PSD3: variants seen among roughly 807,000 people sequenced by gnomAD.
The protein encoded by PSD3 is PH and SEC7 domain-containing protein 3.
PSD3 carries 49 observed loss-of-function variants against 105.5 expected under a neutral mutation model. The observed-to-expected ratio is 0.46, with a 90% CI of 0.37 to 0.59. The LOEUF (loss-of-function observed/expected upper bound fraction) is 0.59. Among genes scored for constraint, PSD3 ranks in the 20% least tolerant of loss-of-function variants. The pLI is 0.00. For missense variants in PSD3, 1,561 were observed against 1,263.8 expected, an observed-to-expected ratio of 1.24 and a Z score of -3.57; for synonymous variants, 557 against 457.8, an observed-to-expected ratio of 1.22 and a Z score of -2.77.
chr8:18,539,992 G>A (rs1054261542), intron 15 of PSD3, among the ~76,000 whole-genome samples: 1 of 152,050 alleles, frequency 6.6e-6, no homozygotes, highest in African/African-American at 2.4e-5. Context: ...CTCTTCTTTC[G>A]TACTAATGGA....
chr8:18,732,631 C>T (rs1163512045), intron 9 of PSD3, among the ~76,000 whole-genome samples: 1 of 152,184 alleles, frequency 6.6e-6, no homozygotes, highest in Non-Finnish European at 1.5e-5. Flanking sequence ...AGCTTCCTTC[C>T]TTACATGGTG....
intron 9 of PSD3, among the ~76,000 whole-genome samples, chr8:18,750,199 C>G (rs2129437530): frequency 6.6e-6 from 1 of 152,304 alleles, no homozygotes; most frequent in East Asian, 1.9e-4. Flanking sequence ...TTGGTGGGTT[C>G]TTGGTCTCAC....
chr8:18,916,889 A>G (rs920370551), intron 2 of PSD3, among the ~76,000 whole-genome samples: 2 of 152,056 alleles, frequency 1.3e-5, no homozygotes, highest in Non-Finnish European at 2.9e-5. Context: ...AAGGAAATGA[A>G]AAAAAAGGAA....
intron 12 of PSD3, among the ~76,000 whole-genome samples, chr8:18,593,103 A>T (rs1803735958): frequency 6.6e-6 from 1 of 152,228 alleles, no homozygotes; most frequent in South Asian, 2.1e-4. Context: ...CAATGGCAAT[A>T]AAAGCCAAAA....
Position 18,559,449 on chromosome 8 carries a change from C to T in PSD3, c.2785-3097G>A, listed in dbSNP as rs117815005. On this transcript the variant is annotated intron_variant, in intron 14 of 15. Transcript: ENST00000327040. Reference sequence around the variant, plus strand: ...ACCCATTTTTCTATTGGGTTGTTTGCCTTTTAAAAAATAGATTTGTATCAG... The same window carrying T: ...ACCCATTTTTCTATTGGGTTGTTTGTCTTTTAAAAAATAGATTTGTATCAG... 2.3e-3 allele frequency among the ~76,000 whole-genome samples: 349 copies of T among 151,888 alleles called. 6 individuals are homozygous for T. Among genetic ancestry groups the T allele is most frequent in the East Asian group, 4.4e-3 (23 of 5,184 alleles).
chr8:18,931,285 T>C lies in PSD3; in HGVS notation c.130+4749A>G, dbSNP rs139504958. Among the ~76,000 whole-genome samples, 449 of 152,252 alleles carry C rather than the reference T, an allele frequency of 2.9e-3. 1 individual carries two copies. Among genetic ancestry groups the C allele is most frequent in the Middle Eastern group, 0.01 (3 of 294 alleles). Reference sequence around the variant, plus strand: ...AATTTTGCTGAAAAGAACCACATTATACTGCAAGGAGTCATGTATCTACAT... The same window carrying C: ...AATTTTGCTGAAAAGAACCACATTACACTGCAAGGAGTCATGTATCTACAT... On this transcript the variant is annotated intron_variant, in intron 2 of 15. Coordinates refer to ENST00000327040, the MANE Select transcript of PSD3 (RefSeq NM_015310.4).
chr8:18,887,009 T>C (rs1364121213), intron 2 of PSD3: 1 of 152,148 alleles, frequency 6.6e-6, no homozygotes, highest in Non-Finnish European at 1.5e-5. Flanking sequence ...ATGACGGGAG[T>C]TAGCTTTAAT....
chr8:19,038,824 C>A (rs1475201443), intron 1 of PSD3, among the ~76,000 whole-genome samples: 1 of 152,196 alleles, frequency 6.6e-6, no homozygotes, highest in East Asian at 1.9e-4. Flanking sequence ...AGACACTGGG[C>A]TAAGCAATTA....
intron 1 of PSD3, among the ~76,000 whole-genome samples, chr8:18,943,698 C>G (rs188565851): frequency 6.6e-6 from 1 of 152,192 alleles, no homozygotes; most frequent in Admixed American, 6.5e-5. Context: ...GACAGCCCCT[C>G]CCCTACTCAG....
chr8:18,831,459 T>G (rs1365334020), intron 4 of PSD3, among the ~76,000 whole-genome samples: 1 of 152,206 alleles, frequency 6.6e-6, no homozygotes, highest in Non-Finnish European at 1.5e-5. Flanking sequence ...CCGTGGCTCA[T>G]GCCTGTAATC....
intron 1 of PSD3, among the ~76,000 whole-genome samples, chr8:19,082,990 G>C (rs373164652): frequency 1.4e-4 from 21 of 152,334 alleles, no homozygotes; most frequent in South Asian, 4.1e-4. Flanking sequence ...GAAGGGTGCT[G>C]TGAGAAGCCT....
At chr8:18,669,170 A>C (rs1464177043) in intron 9 of PSD3, among the ~76,000 whole-genome samples, 1 of 152,214 alleles carries the variant, frequency 6.6e-6, no homozygotes, top group African/African-American at 2.4e-5. Context: ...ATTTGATTAT[A>C]ACACATGCTG....
At chr8:18,687,701 G>C (rs910172516) in intron 9 of PSD3, among the ~76,000 whole-genome samples, 1 of 152,088 alleles carries the variant, frequency 6.6e-6, no homozygotes, top group African/African-American at 2.4e-5. Flanking sequence ...GTGTGTTTGG[G>C]TTTGTGTGTG....
intron 9 of PSD3, among the ~76,000 whole-genome samples, chr8:18,658,787 T>C (rs1809090777): frequency 6.7e-6 from 1 of 149,222 alleles, no homozygotes; most frequent in Non-Finnish European, 1.5e-5. Context: ...TAAGGAGGCC[T>C]AATAATTAAT....
chr8:18,821,554 A>G (rs190362205), intron 4 of PSD3, among the ~76,000 whole-genome samples: 1 of 152,126 alleles, frequency 6.6e-6, no homozygotes, highest in African/African-American at 2.4e-5. Context: ...TTCCTAACAA[A>G]ACTGAATAAT....
intron 1 of PSD3, chr8:18,989,392 G>A (rs1586586490): frequency 6.6e-6 from 1 of 152,278 alleles, no homozygotes; most frequent in Non-Finnish European, 1.5e-5. Flanking sequence ...AGAAGGAACT[G>A]AGAAGCTCAA....
At chr8:18,748,995 C>G (rs1159716168) in intron 9 of PSD3, among the ~76,000 whole-genome samples, 1 of 152,214 alleles carries the variant, frequency 6.6e-6, no homozygotes, top group Non-Finnish European at 1.5e-5. Context: ...ATGTGTAACG[C>G]TACTCAGTTC....
At chr8:18,823,098 G>GT (rs1305745029) in intron 4 of PSD3, among the ~76,000 whole-genome samples, 2 of 139,310 alleles carry the variant, frequency 1.4e-5, no homozygotes, top group African/African-American at 5.3e-5. Flanking sequence ...GGAGAGACAG[G>GT]AAAAAAAAAA....
At chr8:18,604,722 G>C (rs1468265816) in intron 11 of PSD3, among the ~76,000 whole-genome samples, 5 of 152,330 alleles carry the variant, frequency 3.3e-5, no homozygotes, top group South Asian at 2.1e-4. Flanking sequence ...TCATGGGCCA[G>C]AGCCAGGGCA....
Sources: allele counts gnomAD v4.1 joint callset (sites outside exome capture counted in the v4.1 genomes callset), GRCh38; gene constraint gnomAD v4.1.1; transcripts MANE v1.5; gene names NCBI Gene and HGNC (gene_info 2026-07-23, HGNC 2026-07-21).